LPIN2: variants seen among roughly 807,000 people sequenced by gnomAD.
LPIN2 encodes phosphatidate phosphatase LPIN2.
Under a neutral mutation model 111.4 loss-of-function variants are expected in LPIN2, and 55 were observed. The observed-to-expected ratio is 0.49, with a 90% confidence interval of 0.40 to 0.62. The LOEUF (loss-of-function observed/expected upper bound fraction) is 0.62, where lower values mean the gene tolerates loss of function less well. LPIN2 is among the 20% of genes least tolerant of loss of function. LPIN2 has a pLI of 0.00. For missense variants in LPIN2, 992 were observed against 1,112.1 expected, an observed-to-expected ratio of 0.89 and a Z score of 1.54; for synonymous variants, 425 against 414.0, an observed-to-expected ratio of 1.03 and a Z score of -0.32.
chr18:2,988,610 T>C (rs1483669451), intron 1 of LPIN2, among the ~76,000 whole-genome samples: 2 of 152,164 alleles, frequency 1.3e-5, no homozygotes, highest in Non-Finnish European at 2.9e-5. Context: ...CCAGTGAGGG[T>C]AAAGCCTCAA....
chr18:3,000,191 A>G (rs73367292), intron 1 of LPIN2, among the ~76,000 whole-genome samples: 739 of 47,782 alleles, frequency 0.015, 6 homozygotes, highest in African/African-American at 0.03. Context: ...ACAAGGATAA[A>G]GGAATGGGCA....
chr18:2,989,434 G>A (rs1056887002), intron 1 of LPIN2, among the ~76,000 whole-genome samples: 1 of 151,992 alleles, frequency 6.6e-6, no homozygotes, highest in South Asian at 2.1e-4. Flanking sequence ...ATCCGTGTTC[G>A]TGAATAGGAA....
chr18:2,987,172 C>T (rs1184038642), intron 1 of LPIN2, among the ~76,000 whole-genome samples: 1 of 152,152 alleles, frequency 6.6e-6, no homozygotes, highest in East Asian at 1.9e-4. Flanking sequence ...TTACTATCAT[C>T]AAATTTTAAA....
chr18:3,009,864 T>C (rs1381521421), intron 1 of LPIN2, among the ~76,000 whole-genome samples: 1 of 152,230 alleles, frequency 6.6e-6, no homozygotes, highest in Non-Finnish European at 1.5e-5. Context: ...TTAGTAAAAA[T>C]GTTTACTTTA....
At chr18:2,960,130 G>A (rs535969367) in intron 2 of LPIN2, among the ~76,000 whole-genome samples, 5 of 150,894 alleles carry the variant, frequency 3.3e-5, no homozygotes, top group South Asian at 2.1e-4. Flanking sequence ...AGATCACACC[G>A]CTGTACTCCA....
chr18:2,940,649 C>T lies in LPIN2; in HGVS notation c.654G>A (p.Gly218=). Residue 218 remains glycine (G), a synonymous_variant, in exon 5 of 20, where the codon GGG becomes GGA. Transcript: ENST00000677752. ...CTCCATCAGATAAGGGGTAATGATCCCCAGAATGGAAGAGCAAAGGCTCTT... is the reference window on the plus strand; with the variant it reads ...CTCCATCAGATAAGGGGTAATGATCTCCAGAATGGAAGAGCAAAGGCTCTT... ...ECKEPLLFHS[G]DHYPLSDGDW... The T allele has an allele frequency of 6.2e-7, 1 of 1,613,378 alleles. No individual in the cohort carries two copies. The highest frequency in any genetic ancestry group is 8.5e-7 in the Non-Finnish European group (1 of 1,179,552).
intron 1 of LPIN2, among the ~76,000 whole-genome samples, chr18:2,965,414 C>G (rs556069004): frequency 9.2e-5 from 14 of 152,216 alleles, no homozygotes; most frequent in African/African-American, 2.9e-4. Context: ...AATGAATAAT[C>G]ACTATATGGA....
intron 1 of LPIN2, among the ~76,000 whole-genome samples, chr18:2,978,475 A>C (rs574359022): frequency 5.3e-5 from 8 of 152,222 alleles, no homozygotes; most frequent in Non-Finnish European, 1.0e-4. Flanking sequence ...AGACAAACCG[A>C]AGTAGAGACA....
chr18:2,990,693 G>A (rs892666111), intron 1 of LPIN2: 1 of 290,300 alleles, frequency 3.4e-6, no homozygotes, highest in African/African-American at 2.2e-5. Context: ...CTCCATTTAT[G>A]AGAAAGACAT....
chr18:2,921,519 C>T lies in LPIN2; in HGVS notation c.2442+14G>A. On this transcript the variant is annotated intron_variant, in intron 18 of 19. Coordinates refer to ENST00000677752, the MANE Select transcript of LPIN2 (RefSeq NM_001375808.2). ...TTCACCCACATCAGAACCCAGAGCCCAGGAGATACTCACATTTGGACGGTT... is the reference window on the plus strand; with the variant it reads ...TTCACCCACATCAGAACCCAGAGCCTAGGAGATACTCACATTTGGACGGTT... The T allele has an allele frequency of 6.3e-7, 1 of 1,590,062 alleles. No individual in the cohort carries two copies. The highest frequency in any genetic ancestry group is 2.2e-5 in the East Asian group (1 of 44,748).
intron 2 of LPIN2, among the ~76,000 whole-genome samples, chr18:2,959,737 T>C (rs2077678368): frequency 6.6e-6 from 1 of 152,194 alleles, no homozygotes; most frequent in Admixed American, 6.5e-5. Flanking sequence ...TCAACCAGCC[T>C]ATGGTCTGTT....
At chr18:2,937,627 G>C (rs1484846231) in intron 7 of LPIN2, 65 bp downstream of exon 7, 1 of 1,326,238 alleles carries the variant, frequency 7.5e-7, no homozygotes, top group East Asian at 2.3e-5. Flanking sequence ...CACGTTATGT[G>C]GAACACTGAA....
chr18:2,945,969 G>A (rs1215286011), intron 4 of LPIN2: 25 of 1,403,376 alleles, frequency 1.8e-5, no homozygotes, highest in South Asian at 2.3e-5. Flanking sequence ...AACAGCTCCA[G>A]TATTTCGTCC....
intron 9 of LPIN2, 61 bp downstream of exon 9, chr18:2,931,195 T>C (rs2077208081): frequency 6.4e-7 from 1 of 1,566,198 alleles, no homozygotes; most frequent in African/African-American, 1.4e-5. Flanking sequence ...CGGTAAGTTT[T>C]AACCAAGTGA....
At chr18:2,954,923 C>T (rs1193117244) in intron 2 of LPIN2, among the ~76,000 whole-genome samples, 1 of 152,132 alleles carries the variant, frequency 6.6e-6, no homozygotes, top group Non-Finnish European at 1.5e-5. Context: ...CAAGTTATGG[C>T]ACAGGCAGGC....
chr18:2,979,628 C>A (rs547139386), intron 1 of LPIN2, among the ~76,000 whole-genome samples: 1 of 152,234 alleles, frequency 6.6e-6, no homozygotes, highest in Admixed American at 6.5e-5. Context: ...TAATTGTAAA[C>A]TACTTCTAAA....
At chr18:2,928,897 A>C (rs2077174162) in intron 10 of LPIN2, among the ~76,000 whole-genome samples, 168 bp downstream of exon 10, 1 of 152,228 alleles carries the variant, frequency 6.6e-6, no homozygotes, top group Non-Finnish European at 1.5e-5. Flanking sequence ...GCTTCTTTTA[A>C]AAATAAAATT....
intron 8 of LPIN2, 50 bp downstream of exon 8, chr18:2,934,301 A>G (rs2077254179): frequency 7.8e-7 from 1 of 1,284,516 alleles, no homozygotes; most frequent in Non-Finnish European, 1.1e-6. Flanking sequence ...TACTCTAGAA[A>G]TAACTAGACT....
chr18:2,983,228 G>A (rs1185364218), intron 1 of LPIN2, among the ~76,000 whole-genome samples: 2 of 152,118 alleles, frequency 1.3e-5, no homozygotes, highest in Non-Finnish European at 2.9e-5. Flanking sequence ...CGAGCAGCAG[G>A]GAGCTTCCCA....
Sources: gnomAD v4.1 joint callset for allele counts (sites outside exome capture counted in the v4.1 genomes callset) on GRCh38, gnomAD v4.1.1 for gene constraint, MANE v1.5 for transcripts, NCBI Gene and HGNC (gene_info 2026-07-23, HGNC 2026-07-21) for gene names.